The following ATP2B2 variants were observed in gnomAD, a reference collection of about 807,000 sequenced individuals.
ATP2B2 encodes ATPase plasma membrane Ca2+ transporting 2.
In ATP2B2, 15 loss-of-function variants were observed where a neutral mutation model predicts 120.0. That is an observed-to-expected ratio of 0.12 (90% confidence interval 0.08 to 0.19). ATP2B2 has a LOEUF of 0.19. ATP2B2 is among the 10% of genes least tolerant of loss of function. ATP2B2 has a pLI of 1.00. For missense variants in ATP2B2, 1,045 were observed against 1,719.8 expected, an observed-to-expected ratio of 0.61 and a Z score of 6.94; for synonymous variants, 694 against 700.3, an observed-to-expected ratio of 0.99 and a Z score of 0.14.
chr3:10,427,228 T>C (rs190566203), intron 2 of ATP2B2, among the ~76,000 whole-genome samples: 1 of 152,358 alleles, frequency 6.6e-6, no homozygotes, highest in Non-Finnish European at 1.5e-5. Context: ...ATTATCTACG[T>C]CTCCAACTCA....
intron 2 of ATP2B2, among the ~76,000 whole-genome samples, chr3:10,578,561 A>G (rs1472424216): frequency 1.3e-5 from 2 of 151,980 alleles, no homozygotes; most frequent in Non-Finnish European, 2.9e-5. Context: ...AAAAAAAACA[A>G]AAAGAAAAAC....
At chr3:10,365,839 GA>G (rs2061036632) in intron 12 of ATP2B2, among the ~76,000 whole-genome samples, 1 of 366 alleles carries the variant, frequency 2.7e-3, no homozygotes, top group Non-Finnish European at 0.011. Context: ...GTATGTGCAT[GA>G]TGGGTGGTGT....
intron 1 of ATP2B2, among the ~76,000 whole-genome samples, chr3:10,655,085 C>T (rs566839715): frequency 4.3e-4 from 66 of 152,330 alleles, no homozygotes; most frequent in African/African-American, 1.4e-3. Context: ...TCAATAAAAG[C>T]ACATATGCCT....
intron 1 of ATP2B2, among the ~76,000 whole-genome samples, chr3:10,620,454 T>A (rs1184498384): frequency 6.6e-6 from 1 of 152,144 alleles, no homozygotes; most frequent in Non-Finnish European, 1.5e-5. Flanking sequence ...CTTGGGGGTA[T>A]CCCTGTCATT....
chr3:10,392,694 C>T (rs185375537), intron 5 of ATP2B2, among the ~76,000 whole-genome samples: 5 of 152,166 alleles, frequency 3.3e-5, no homozygotes, highest in Admixed American at 6.5e-5. Flanking sequence ...AATACAAGCA[C>T]GGGGAGGGGT....
chr3:10,470,088 C>G (rs1329469387), intron 1 of ATP2B2, among the ~76,000 whole-genome samples: 1 of 152,086 alleles, frequency 6.6e-6, no homozygotes, highest in Non-Finnish European at 1.5e-5. Context: ...GATGGGAAAA[C>G]AGACCTGGGA....
At chr3:10,389,148 C>G (rs1189044563) in intron 5 of ATP2B2, among the ~76,000 whole-genome samples, 1 of 152,166 alleles carries the variant, frequency 6.6e-6, no homozygotes, top group Non-Finnish European at 1.5e-5. Flanking sequence ...TCCAAAGGAC[C>G]CTGACATTCT....
At chr3:10,555,551 C>A (rs2067760042) in intron 2 of ATP2B2, among the ~76,000 whole-genome samples, 1 of 152,196 alleles carries the variant, frequency 6.6e-6, no homozygotes, top group Non-Finnish European at 1.5e-5. Flanking sequence ...GCTAAGGGCT[C>A]CAGCCATGGT....
chr3:10,586,989 C>A (rs936880758), intron 2 of ATP2B2, among the ~76,000 whole-genome samples: 1 of 152,182 alleles, frequency 6.6e-6, no homozygotes, highest in African/African-American at 2.4e-5. Context: ...TTACCTCACA[C>A]ACTTAGCACC....
intron 22 of ATP2B2, among the ~76,000 whole-genome samples, chr3:10,336,624 C>A (rs570135964): frequency 3.3e-5 from 5 of 152,150 alleles, no homozygotes; most frequent in Non-Finnish European, 5.9e-5. Context: ...AGTGTTCAGC[C>A]TCCCTCAGGT....
intron 2 of ATP2B2, among the ~76,000 whole-genome samples, chr3:10,588,828 C>T (rs1418498124): frequency 6.6e-6 from 1 of 152,086 alleles, no homozygotes; most frequent in Non-Finnish European, 1.5e-5. Flanking sequence ...ACTGGAAATT[C>T]AAGAAGAAAA....
chr3:10,513,907 C>T (rs985595018), intron 3 of ATP2B2, among the ~76,000 whole-genome samples: 4 of 151,806 alleles, frequency 2.6e-5, no homozygotes, highest in African/African-American at 9.7e-5. Flanking sequence ...TTCCCAACCC[C>T]CCAGGGCAGC....
chr3:10,581,057 T>A (rs762601673), intron 2 of ATP2B2, among the ~76,000 whole-genome samples: 8 of 152,314 alleles, frequency 5.3e-5, no homozygotes, highest in Non-Finnish European at 8.8e-5. Context: ...CTACAGGAGC[T>A]TGGGGACTAC....
chr3:10,377,738 C>T (rs986758862), intron 10 of ATP2B2, among the ~76,000 whole-genome samples: 1 of 152,184 alleles, frequency 6.6e-6, no homozygotes, highest in Non-Finnish European at 1.5e-5. Context: ...AAGCCCAAAC[C>T]CATTCTTGTC....
intron 1 of ATP2B2, among the ~76,000 whole-genome samples, chr3:10,637,943 C>CA (rs1424700154): frequency 6.6e-6 from 1 of 151,762 alleles, no homozygotes; most frequent in East Asian, 1.9e-4. Flanking sequence ...ATAATGATGA[C>CA]AGATTTTTTC....
chr3:10,459,450 A>G (rs1338640763), intron 1 of ATP2B2, among the ~76,000 whole-genome samples: 1 of 152,194 alleles, frequency 6.6e-6, no homozygotes, highest in Non-Finnish European at 1.5e-5. Flanking sequence ...GGCTCTGGAC[A>G]TTGTACTCTG....
At chr3:10,703,381 GC>G (rs1199557684) in intron 1 of ATP2B2, among the ~76,000 whole-genome samples, 1 of 152,102 alleles carries the variant, frequency 6.6e-6, no homozygotes, top group Non-Finnish European at 1.5e-5. Context: ...CAGTTAGTAG[GC>G]CCCCATTTGA....
At chr3:10,565,868 C>A (rs537722680) in intron 2 of ATP2B2, among the ~76,000 whole-genome samples, 2 of 152,152 alleles carry the variant, frequency 1.3e-5, no homozygotes, top group Non-Finnish European at 2.9e-5. Context: ...CTTGGGCAAG[C>A]GAATAAAACT....
intron 3 of ATP2B2, among the ~76,000 whole-genome samples, chr3:10,513,624 T>C (rs1364020773): frequency 1.3e-5 from 2 of 152,094 alleles, no homozygotes; most frequent in East Asian, 1.9e-4. Flanking sequence ...TGGGGTGGAC[T>C]CCGAGCCCAG....
Sources: allele counts gnomAD v4.1 joint callset (sites outside exome capture counted in the v4.1 genomes callset), GRCh38; gene constraint gnomAD v4.1.1; transcripts MANE v1.5; gene names NCBI Gene and HGNC (gene_info 2026-07-23, HGNC 2026-07-21).